JAK1: variants seen among roughly 807,000 people sequenced by gnomAD.
The protein encoded by JAK1 is tyrosine-protein kinase JAK1.
JAK1 carries 16 observed loss-of-function variants against 136.6 expected under a neutral mutation model. That is an observed-to-expected ratio of 0.12 (90% confidence interval 0.08 to 0.18). JAK1 has a LOEUF of 0.18. Ranked by LOEUF, JAK1 falls within the 10% of genes least tolerant of loss-of-function variation. The pLI is 1.00. For synonymous variants in JAK1, 492 were observed against 519.5 expected (o/e 0.95, Z 0.72); for missense variants, 859 against 1,450.1 (o/e 0.59, Z 6.62).
intron 3 of JAK1, among the ~76,000 whole-genome samples, chr1:64,880,749 G>A (rs760080060): frequency 1.2e-4 from 19 of 152,092 alleles, no homozygotes; most frequent in East Asian, 9.7e-4. Context: ...CAGGCAGATC[G>A]CTTGAAGTCA....
chr1:64,999,455 AGGC>A (rs1646732850), intron 2 of JAK1, among the ~76,000 whole-genome samples: 1 of 152,180 alleles, frequency 6.6e-6, no homozygotes, highest in Non-Finnish European at 1.5e-5. Flanking sequence ...CAAGAAAGTC[AGGC>A]TGGGTGCAAA....
intron 8 of JAK1, among the ~76,000 whole-genome samples, chr1:64,861,855 AC>A (rs1432141296): frequency 6.6e-6 from 1 of 152,186 alleles, no homozygotes; most frequent in African/African-American, 2.4e-5. Context: ...GTGACCAGGC[AC>A]CCACCTGCGG....
chr1:64,869,575 C>A, intron 5 of JAK1, 101 bp from the exon 6 acceptor site: 1 of 866,870 alleles, frequency 1.2e-6, no homozygotes. Context: ...AGCACAGCAA[C>A]GAGACGAATC....
At position 64,846,717 on chromosome 1, in the gene JAK1, C is replaced by G. The variant is rs747712245; in HGVS notation, c.1919G>C (p.Ser640Thr). ...TTTGTGGGAGACCTGTCTCATCATG[C>G]TGGCTGCCTCGAAGAAGGCCTGTGG... ...DISLAFFEAA[S>T]MMRQVSHKHI... Residue 640 changes from serine (S) to threonine (T), a missense_variant, in exon 14 of 25, where the codon AGC (serine) becomes ACC (threonine). Around this residue, in one of 4 missense-constraint regions of JAK1, gnomAD observed 409 missense variants for 753.8 expected, o/e 0.54. Transcript: ENST00000342505. 1 of 1,614,018 alleles carries G rather than the reference C, an allele frequency of 6.2e-7. No homozygotes were observed. Among genetic ancestry groups the G allele is most frequent in the South Asian group, 1.1e-5 (1 of 91,076 alleles).
chr1:64,911,680 C>A (rs1214416358), intron 1 of JAK1, among the ~76,000 whole-genome samples: 8 of 152,196 alleles, frequency 5.3e-5, no homozygotes, highest in African/African-American at 1.9e-4. Flanking sequence ...TGATATGCAC[C>A]TAGCTAAGTT....
In JAK1 at chr1:65,016,759, A is replaced by G. The variant is rs1646894932; in HGVS notation, c.-78+27721T>C. ...CTAAAAATACAAAAATTAGCCGTGC[A>G]TGGTGGCAGGCACCTGTAATCCCAG... On this transcript the variant is annotated intron_variant, in intron 2 of 25. Transcript: ENST00000671954. 1.3e-5 allele frequency among the ~76,000 whole-genome samples: 2 copies of G among 152,108 alleles called. 1 individual carries two copies. The highest frequency in any genetic ancestry group is 4.1e-4 in the South Asian group (2 of 4,826).
At chr1:65,058,641 A>C (rs1018860587) in intron 1 of JAK1, 4 of 423,088 alleles carry the variant, frequency 9.5e-6, no homozygotes, top group African/African-American at 8.5e-5. Flanking sequence ...AAGAAAAAGA[A>C]GGATCAGAGC....
chr1:64,945,727 CTTTCTTTTTTTT>C, intron 1 of JAK1, among the ~76,000 whole-genome samples: 1 of 70,322 alleles, frequency 1.4e-5, no homozygotes, highest in Admixed American at 1.8e-4. Flanking sequence ...TACTGGTTTG[CTTTCTTTTTTTT>C]TTTCTTTGAC....
At position 64,982,304 on chromosome 1, in the gene JAK1, T is replaced by C. The variant is rs978917379; in HGVS notation, c.-78+62176A>G. 1.2e-4 allele frequency among the ~76,000 whole-genome samples: 19 copies of C among 152,228 alleles called. No individual in the cohort carries two copies. The East Asian group carries it at 1.9e-3, about 15-fold the overall frequency. ...GTTGGGCAGGTGTCTTTTAACTGAG[T>C]TAACGCATTATGTGATTTGGGAGGG... On this transcript the variant is annotated intron_variant, in intron 2 of 25. Transcript: ENST00000671954.
intron 1 of JAK1, among the ~76,000 whole-genome samples, chr1:64,935,360 C>T (rs954602875): frequency 2.0e-5 from 3 of 152,198 alleles, no homozygotes; most frequent in African/African-American, 7.2e-5. Flanking sequence ...AGTGCAATGG[C>T]GTGATCAGGG....
At chr1:64,903,992 C>T (rs1292157871) in intron 1 of JAK1, among the ~76,000 whole-genome samples, 1 of 152,180 alleles carries the variant, frequency 6.6e-6, no homozygotes, top group African/African-American at 2.4e-5. Flanking sequence ...CTCTCTGCAG[C>T]CTCAAGACAT....
At chr1:64,852,668 G>C (rs310213) in intron 11 of JAK1, among the ~76,000 whole-genome samples, 52,704 of 152,086 alleles carry the variant, frequency 0.35, 10,712 homozygotes, top group African/African-American at 0.57. Context: ...GCACTTCAGG[G>C]AACATGGCAC....
chr1:64,883,226 G>T, intron 3 of JAK1, 51 bp downstream of exon 3: 1 of 1,472,654 alleles, frequency 6.8e-7, no homozygotes, highest in South Asian at 1.3e-5. Flanking sequence ...CAGATCTTCT[G>T]AACTAGTGTG....
chr1:64,940,007 C>T (rs563858446), intron 1 of JAK1, among the ~76,000 whole-genome samples: 2 of 152,268 alleles, frequency 1.3e-5, no homozygotes, highest in African/African-American at 4.8e-5. Flanking sequence ...TATTCACGAA[C>T]ATTACATATT....
At chr1:64,914,739 T>C (rs1017304411) in intron 1 of JAK1, among the ~76,000 whole-genome samples, 3 of 152,126 alleles carry the variant, frequency 2.0e-5, no homozygotes, top group African/African-American at 7.2e-5. Context: ...AATTTTTGTA[T>C]TTTTAGTAGA....
chr1:64,857,521 A>G, intron 10 of JAK1, 135 bp downstream of exon 10: 1 of 1,234,134 alleles, frequency 8.1e-7, no homozygotes, highest in Non-Finnish European at 1.1e-6. Flanking sequence ...CTGACCTCCC[A>G]GGGATCTTCT....
At chr1:64,841,099 TG>T in intron 19 of JAK1, 145 bp downstream of exon 19, 1 of 633,918 alleles carries the variant, frequency 1.6e-6, no homozygotes, top group Non-Finnish European at 2.8e-6. Context: ...GTGATGAAAG[TG>T]GCCCCCAAAT....
At chr1:65,052,415 C>T (rs1262648916) in intron 1 of JAK1, among the ~76,000 whole-genome samples, 1 of 152,106 alleles carries the variant, frequency 6.6e-6, no homozygotes, top group Non-Finnish European at 1.5e-5. Context: ...TGGTGGCTCA[C>T]ACCTGTAATC....
intron 2 of JAK1, among the ~76,000 whole-genome samples, chr1:65,040,152 T>C (rs1569929173): frequency 6.6e-6 from 1 of 151,422 alleles, no homozygotes; most frequent in Non-Finnish European, 1.5e-5. Context: ...GAGGTGGAGG[T>C]TGTAGTGAGC....
Sources: allele counts gnomAD v4.1 joint callset (sites outside exome capture counted in the v4.1 genomes callset), GRCh38; gene constraint gnomAD v4.1.1; regional missense constraint gnomAD v4.1.1; transcripts MANE v1.5; gene names NCBI Gene and HGNC (gene_info 2026-07-23, HGNC 2026-07-21).